Variants in EIPR1 observed in about 807,000 individuals in gnomAD.
EIPR1 encodes EARP complex and GARP complex interacting protein 1.
Under a neutral mutation model 48.1 loss-of-function variants are expected in EIPR1, and 25 were observed. The observed-to-expected ratio is 0.52, with a 90% CI of 0.38 to 0.73. EIPR1 has a LOEUF of 0.73. Ranked by LOEUF, EIPR1 falls within the 30% of genes least tolerant of loss-of-function variation. EIPR1 has a pLI of 0.00. For missense variants in EIPR1, 415 were observed against 506.2 expected, an observed-to-expected ratio of 0.82 and a Z score of 1.73; for synonymous variants, 204 against 201.9, an observed-to-expected ratio of 1.01 and a Z score of -0.09.
At chr2:3,351,616 G>A (rs191096895) in intron 2 of EIPR1, among the ~76,000 whole-genome samples, 5 of 152,236 alleles carry the variant, frequency 3.3e-5, no homozygotes, top group Admixed American at 1.3e-4. Flanking sequence ...TCTTCATGGT[G>A]GGTCCTCCTT....
chr2:3,344,842 C>T (rs1670354321), intron 2 of EIPR1, among the ~76,000 whole-genome samples: 1 of 151,960 alleles, frequency 6.6e-6, no homozygotes, highest in Admixed American at 6.6e-5. Context: ...AGGGTTTCAT[C>T]ATATTGGCCA....
intron 1 of EIPR1, among the ~76,000 whole-genome samples, chr2:3,360,404 C>CA (rs1386156001): frequency 0.024 from 3,116 of 127,256 alleles, 97 homozygotes; most frequent in African/African-American, 0.084. Context: ...GACTCCATCT[C>CA]AAAAAAAAAA....
chr2:3,337,986 T>A (rs761598334), intron 3 of EIPR1, 31 bp downstream of exon 3: 1 of 1,570,736 alleles, frequency 6.4e-7, no homozygotes, highest in Non-Finnish European at 8.6e-7. Flanking sequence ...TTACCTCCAG[T>A]TAGCAAGTAC....
chr2:3,355,170 C>T (rs528560697), intron 1 of EIPR1, among the ~76,000 whole-genome samples: 106 of 152,336 alleles, frequency 7.0e-4, no homozygotes, highest in African/African-American at 2.5e-3. Flanking sequence ...GGTCACGCTT[C>T]ACCTAAAGGC....
At position 3,373,986 on chromosome 2, in the gene EIPR1, A is replaced by G. The variant is rs544328902; in HGVS notation, c.42+3662T>C. ...CTACCTGACTTCAAACTATACTACA[A>G]GGCTACAGTAACCAAAACAGCATGT... On this transcript the variant is annotated intron_variant, in intron 1 of 8. Transcript: ENST00000382125. 9.5e-5 allele frequency among the ~76,000 whole-genome samples: 14 copies of G among 148,148 alleles called. No homozygotes were observed. In the South Asian group the frequency reaches 3.1e-3, roughly 32 times the overall value.
chr2:3,307,637 C>T (rs1374773986), intron 3 of EIPR1, among the ~76,000 whole-genome samples: 1 of 152,212 alleles, frequency 6.6e-6, no homozygotes, highest in Non-Finnish European at 1.5e-5. Flanking sequence ...CATGTGCCAG[C>T]TAAAACGCAC....
chr2:3,355,439 G>T (rs1014603255), intron 1 of EIPR1, among the ~76,000 whole-genome samples: 4 of 152,226 alleles, frequency 2.6e-5, no homozygotes, highest in Non-Finnish European at 4.4e-5. Flanking sequence ...CCTGCCAGAA[G>T]TCAGTCCTCT....
At chr2:3,306,764 A>T (rs1489547142) in intron 3 of EIPR1, among the ~76,000 whole-genome samples, 1 of 152,082 alleles carries the variant, frequency 6.6e-6, no homozygotes, top group Non-Finnish European at 1.5e-5. Flanking sequence ...GAGGAAGAGG[A>T]GGTGTTGGTC....
chr2:3,353,813 T>G (rs890949659), intron 2 of EIPR1, among the ~76,000 whole-genome samples: 1 of 152,162 alleles, frequency 6.6e-6, no homozygotes, highest in Non-Finnish European at 1.5e-5. Flanking sequence ...CAGGCCTGCG[T>G]ATTCTTCGAC....
intron 2 of EIPR1, among the ~76,000 whole-genome samples, chr2:3,339,114 A>G (rs537458433): frequency 5.6e-4 from 86 of 152,338 alleles, no homozygotes; most frequent in African/African-American, 1.7e-3. Context: ...ACGATGTAAT[A>G]TATGTTTTAG....
At chr2:3,213,701 G>A (rs1665531968) in intron 5 of EIPR1, among the ~76,000 whole-genome samples, 1 of 152,166 alleles carries the variant, frequency 6.6e-6, no homozygotes, top group Admixed American at 6.5e-5. Context: ...AGCCCTGAGT[G>A]ACATCTGAAC....
intron 8 of EIPR1, 103 bp downstream of exon 8, chr2:3,192,311 G>T: frequency 7.5e-7 from 1 of 1,336,732 alleles, no homozygotes; most frequent in Non-Finnish European, 9.9e-7. Flanking sequence ...TCCCCCAAAT[G>T]CACTCCTGGA....
intron 3 of EIPR1, among the ~76,000 whole-genome samples, chr2:3,334,161 C>T (rs1461520159): frequency 6.6e-6 from 1 of 152,186 alleles, no homozygotes; most frequent in African/African-American, 2.4e-5. Flanking sequence ...GGAAACGCCG[C>T]AAGATGCCTC....
chr2:3,266,945 C>T (rs1419607107), intron 3 of EIPR1, among the ~76,000 whole-genome samples: 2 of 152,226 alleles, frequency 1.3e-5, no homozygotes, highest in African/African-American at 2.4e-5. Flanking sequence ...GCCTATGGCC[C>T]CTCAGTTTAG....
intron 1 of EIPR1, among the ~76,000 whole-genome samples, chr2:3,362,666 G>A (rs1249377335): frequency 6.7e-5 from 10 of 148,164 alleles, no homozygotes; most frequent in Non-Finnish European, 1.4e-4. Flanking sequence ...AAAAAAAAAG[G>A]AGAAGAAAAA....
chr2:3,254,054 T>C (rs1667081695), intron 4 of EIPR1, among the ~76,000 whole-genome samples: 1 of 152,176 alleles, frequency 6.6e-6, no homozygotes, highest in African/African-American at 2.4e-5. Flanking sequence ...CCTGGAGCTG[T>C]TCTTGGTGCC....
chr2:3,208,757 C>T, intron 5 of EIPR1: 1 of 1,548,074 alleles, frequency 6.5e-7, no homozygotes, highest in East Asian at 2.4e-5. Flanking sequence ...GTGAGTGAGG[C>T]CCGTGGCGAG....
At position 3,189,212 on chromosome 2, in the gene EIPR1, C is replaced by T; in HGVS notation, c.*122G>A. 9.4e-7 allele frequency: 1 copy of T among 1,068,572 alleles called. No homozygotes were observed. The highest frequency in any genetic ancestry group is 1.3e-6 in the Non-Finnish European group (1 of 778,914). 66.2% of individuals were successfully genotyped at this position (1,068,572 alleles called of 1,614,324 possible). On this transcript the variant is annotated 3_prime_UTR_variant, in exon 9 of 9. Coordinates refer to ENST00000382125, the MANE Select transcript of EIPR1 (RefSeq NM_003310.5). This position sits in a 1 kb window ranked among gnomAD's most constrained non-coding sequence, Gnocchi z 4.6. ...AAATGCTGCTGCTACAGGAAGGGAA[C>T]AGCGGCTCTCCCAGAGAGGGATCCA...
At chr2:3,335,849 G>A (rs1386697268) in intron 3 of EIPR1, among the ~76,000 whole-genome samples, 2 of 152,186 alleles carry the variant, frequency 1.3e-5, no homozygotes, top group Non-Finnish European at 2.9e-5. Flanking sequence ...AGGCCGCCCA[G>A]TCATGCTTCC....
Sources: allele counts gnomAD v4.1 joint callset (sites outside exome capture counted in the v4.1 genomes callset), GRCh38; gene constraint gnomAD v4.1.1; non-coding constraint Gnocchi (gnomAD v3.1); transcripts MANE v1.5; gene names NCBI Gene and HGNC (gene_info 2026-07-23, HGNC 2026-07-21).